Variants in TULP4 observed in about 807,000 individuals in gnomAD.
The protein encoded by TULP4 is tubby-related protein 4.
In TULP4, 16 loss-of-function variants were observed where a neutral mutation model predicts 129.0. The ratio of observed to expected loss-of-function variants is 0.12; its 90% CI spans 0.08 to 0.19. The LOEUF is 0.19. Ranked by LOEUF, TULP4 falls within the 10% of genes least tolerant of loss-of-function variation. The probability of loss-of-function intolerance (pLI) is 1.00; values close to 1 mark genes in which losing one functional copy is unlikely to be tolerated. For synonymous variants in TULP4, 998 were observed against 854.0 expected, an observed-to-expected ratio of 1.17 and a Z score of -2.94; for missense variants, 1,842 against 2,059.1, an observed-to-expected ratio of 0.89 and a Z score of 2.04.
chr6:158,480,029 A>G, intron 7 of TULP4, 54 bp downstream of exon 7: 1 of 1,400,822 alleles, frequency 7.1e-7, no homozygotes, highest in Non-Finnish European at 9.9e-7. Flanking sequence ...CTGGCTCCCC[A>G]CAGAGCCAGG....
intron 1 of TULP4, among the ~76,000 whole-genome samples, chr6:158,350,843 C>A (rs952411803): frequency 6.6e-6 from 1 of 151,908 alleles, no homozygotes; most frequent in East Asian, 1.9e-4. Flanking sequence ...TCACTGCAGC[C>A]TCCGCCTCCC....
intron 1 of TULP4, chr6:158,242,296 C>T (rs1777937719): frequency 1.3e-6 from 2 of 1,561,022 alleles, no homozygotes; most frequent in Admixed American, 1.7e-5. Flanking sequence ...TAGCACAGCT[C>T]ATGTGTGCCT....
chr6:158,467,277 C>CTTTT (rs59276592), intron 6 of TULP4, among the ~76,000 whole-genome samples: 15 of 140,936 alleles, frequency 1.1e-4, no homozygotes, highest in East Asian at 2.1e-4. Flanking sequence ...CTTTCCCTTT[C>CTTTT]TTTTTTTTTT....
chr6:158,237,197 A>G lies in TULP4; in HGVS notation n.68+4894A>G, dbSNP rs151256635. The stretch of plus-strand genomic sequence containing the variant: ...GCAGACTTTGAGGAAGATGTTTTCC[A>G]TTTGAAACACAAGGAATTATTTATG... On this transcript the variant is annotated intron_variant and non_coding_transcript_variant, in intron 1 of 1. Coordinates refer to the TULP4 transcript ENST00000620026. The G allele has an allele frequency of 5.1e-3, 3,560 of 696,692 alleles. 13 individuals are homozygous for G. The highest frequency in any genetic ancestry group is 7.0e-3 in the Non-Finnish European group (2,795 of 401,260). The allele number at this position is 696,692 out of a possible 1,614,324, so 43.2% of individuals were successfully genotyped here.
rs1251385882 is a variant in TULP4, at chr6:158,427,470, C to CTTTTTTTTTTTTT, written c.382-2266_382-2265insTTTTTTTTTTTTT. 3.6e-4 allele frequency among the ~76,000 whole-genome samples: 36 copies of CTTTTTTTTTTTTT among 100,688 alleles called. 1 individual carries two copies. The highest frequency in any genetic ancestry group is 5.3e-4 in the Non-Finnish European group (27 of 51,418). 66.1% of individuals were successfully genotyped at this position (100,688 alleles called of 152,430 possible). A position where few individuals can be genotyped will look rare whatever the true frequency, so the allele number is the denominator to read the frequency against. ...CAAATTCCTTTTCAAAATTATCAGA[C>CTTTTTTTTTTTTT]CTTTTTTTTTTTTTTTTTTTTTTTT... On this transcript the variant is annotated intron_variant, in intron 2 of 13. Coordinates refer to ENST00000367097, the MANE Select transcript of TULP4 (RefSeq NM_020245.5).
chr6:158,480,693 G>GC (rs1554295511), intron 7 of TULP4, among the ~76,000 whole-genome samples: 2 of 150,686 alleles, frequency 1.3e-5, no homozygotes, highest in Non-Finnish European at 3.0e-5. Context: ...CTGTTGGGTT[G>GC]TTTTTTTTTC....
intron 3 of TULP4, among the ~76,000 whole-genome samples, chr6:158,443,809 G>T (rs1778953573): frequency 6.6e-6 from 1 of 151,882 alleles, no homozygotes; most frequent in Admixed American, 6.6e-5. Context: ...CAATTGAGCA[G>T]TTCTGTCATT....
At position 158,504,047 on chromosome 6, in the gene TULP4, G is replaced by C. The variant is rs1432427457; in HGVS notation, c.4384G>C (p.Gly1462Arg). The change falls in exon 13 of 14, where the codon GGC becomes CGC. Residue 1462 changes from glycine (G) to arginine (R), a missense_variant. By Grantham distance (125) the Gly-to-Arg change is moderately radical. Coordinates refer to ENST00000367097, the MANE Select transcript of TULP4 (RefSeq NM_020245.5). The stretch of plus-strand genomic sequence containing the variant: ...GGAGGACGGGCGGCTGGGCAGCCAA[G>C]GCTTCGTGTACGTGATGGCCAACAA... ...EKEDGRLGSQ[G>R]FVYVMANKQP... 1.9e-6 allele frequency: 3 copies of C among 1,609,890 alleles called. No homozygotes were observed. Among genetic ancestry groups the C allele is most frequent in the Non-Finnish European group, 2.5e-6 (3 of 1,178,240 alleles).
chr6:158,357,758 G>A (rs1028400945), intron 1 of TULP4, among the ~76,000 whole-genome samples: 6 of 152,208 alleles, frequency 3.9e-5, no homozygotes, highest in African/African-American at 1.4e-4. Context: ...ACTCTGGTTT[G>A]TTGTCAGGCA....
rs11758440 is a variant in TULP4, at chr6:158,277,220, C to A, written n.69-34831C>A. Among the ~76,000 whole-genome samples, 8 of 152,264 alleles carry A rather than the reference C, an allele frequency of 5.3e-5. No individual in the cohort carries two copies. In the South Asian group the frequency reaches 1.2e-3, roughly 24 times the overall value. On this transcript the variant is annotated intron_variant and non_coding_transcript_variant, in intron 1 of 1. Coordinates refer to the TULP4 transcript ENST00000620026. ...CCTCCCAAAGTGCTGGGATTACAGG[C>A]GTGAGCCACCATGCCCAGCCCTACA...
chr6:158,260,476 T>C lies in TULP4; in HGVS notation n.68+28173T>C, dbSNP rs571423132. ...CTGTAGTCCCAGCTACTCGGGAGGC[T>C]GAGGCAGGAGAGTGGCATGAACCCG... On this transcript the variant is annotated intron_variant and non_coding_transcript_variant, in intron 1 of 1. Coordinates refer to the TULP4 transcript ENST00000620026. Among the ~76,000 whole-genome samples, 49 of 150,808 alleles carry C rather than the reference T, an allele frequency of 3.2e-4. No homozygotes were observed. In the East Asian group the frequency reaches 7.8e-3, roughly 24 times the overall value.
chr6:158,418,088 T>C (rs1006409099), intron 2 of TULP4, among the ~76,000 whole-genome samples: 1 of 145,128 alleles, frequency 6.9e-6, no homozygotes, highest in Non-Finnish European at 1.5e-5. Context: ...TCTGCCTTTT[T>C]GTGTGTGTGT....
chr6:158,504,448 G>A (rs1211192604), intron 13 of TULP4, among the ~76,000 whole-genome samples: 2 of 151,486 alleles, frequency 1.3e-5, no homozygotes, highest in Admixed American at 6.6e-5. Context: ...CTGGGTTCAC[G>A]CCATTCTCCC....
upstream of TULP4, among the ~76,000 whole-genome samples, chr6:158,310,182 C>G (rs2128481394): frequency 6.6e-6 from 1 of 152,190 alleles, no homozygotes. Context: ...GCTCTGCAGG[C>G]TTTACAGGAA....
At chr6:158,390,183 C>CATTA in intron 1 of TULP4, among the ~76,000 whole-genome samples, 1 of 152,004 alleles carries the variant, frequency 6.6e-6, no homozygotes, top group South Asian at 2.1e-4. Context: ...AAAGAATCAA[C>CATTA]CATTAACAGT....
rs770372195 is a variant in TULP4, at chr6:158,479,785, A to G, written c.1061A>G (p.Asp354Gly). Residue 354 changes from aspartate to glycine, a missense_variant, in exon 7 of 14, where the codon GAT becomes GGT. Transcript: ENST00000367097. ...PIISICWGHR[D>G]SRLLMASGPA... ...ATCTCCATCTGCTGGGGTCACCGGG[A>G]TTCGAGGCTGTTGATGGCATCAGGA... is the stretch of plus-strand genomic sequence containing the variant. The G allele has an allele frequency of 3.7e-5, 59 of 1,613,800 alleles. No homozygotes were observed. Among genetic ancestry groups the G allele is most frequent in the Non-Finnish European group, 4.8e-5 (57 of 1,179,920 alleles).
intron 1 of TULP4, among the ~76,000 whole-genome samples, chr6:158,362,736 GCA>G (rs1583796319): frequency 6.6e-6 from 1 of 152,182 alleles, no homozygotes; most frequent in South Asian, 2.1e-4. Flanking sequence ...CTTAACCCAT[GCA>G]CACAGAGTGT....
chr6:158,371,420 A>G (rs1323108914), intron 1 of TULP4, among the ~76,000 whole-genome samples: 3 of 152,204 alleles, frequency 2.0e-5, no homozygotes, highest in African/African-American at 7.2e-5. Context: ...AGTTTCTGTC[A>G]TATGTGTTAG....
chr6:158,445,092 G>A (rs533253837), intron 3 of TULP4, among the ~76,000 whole-genome samples: 3 of 152,304 alleles, frequency 2.0e-5, no homozygotes, highest in South Asian at 2.1e-4. Flanking sequence ...GGGATTACAG[G>A]TGTGAGCCGT....
Sources: gnomAD v4.1 joint callset for allele counts (sites outside exome capture counted in the v4.1 genomes callset) on GRCh38, gnomAD v4.1.1 for gene constraint, MANE v1.5 for transcripts, NCBI Gene and HGNC (gene_info 2026-07-23, HGNC 2026-07-21) for gene names.